The following SMIM31 variants were observed in gnomAD, a reference collection of about 807,000 sequenced individuals.
SMIM31 encodes human epithelial cell program regulator.
chr4:164,764,100 T>G (rs890081555), intron 1 of SMIM31, among the ~76,000 whole-genome samples: 2 of 152,228 alleles, frequency 1.3e-5, no homozygotes, highest in African/African-American at 2.4e-5. Flanking sequence ...ATTAAATAAA[T>G]TGAAAACTAA....
At chr4:164,762,060 C>T (rs1045674643) in intron 1 of SMIM31, among the ~76,000 whole-genome samples, 4 of 152,282 alleles carry the variant, frequency 2.6e-5, no homozygotes, top group African/African-American at 9.6e-5. Context: ...AAAGAGTCAC[C>T]TCACCTCTCC....
chr4:164,801,667 A>G lies in SMIM31; in HGVS notation c.*473A>G, dbSNP rs1361673960. On this transcript the variant is annotated 3_prime_UTR_variant, in exon 3 of 3. Coordinates refer to ENST00000507311, the MANE Select transcript of SMIM31 (RefSeq NM_001352885.1). ...GTATCTGAAATAGGTGAAAGAGGGA[A>G]AAAACACTATATATTTTTTCAGCTT... 6.6e-6 allele frequency: 1 copy of G among 152,282 alleles called. No individual in the cohort carries two copies. The highest frequency in any genetic ancestry group is 2.4e-5 in the African/African-American group (1 of 41,454). 9.4% of individuals were successfully genotyped at this position (152,282 alleles called of 1,614,324 possible). A position where few individuals can be genotyped will look rare whatever the true frequency, so the allele number is the denominator to read the frequency against.
chr4:164,798,982 T>G (rs963178305), intron 2 of SMIM31, among the ~76,000 whole-genome samples: 1 of 152,160 alleles, frequency 6.6e-6, no homozygotes, highest in Non-Finnish European at 1.5e-5. Flanking sequence ...CCATTTCACC[T>G]TCTGCCATGA....
chr4:164,768,426 T>TAAAAAAAAAAA (rs1732749113), intron 1 of SMIM31, among the ~76,000 whole-genome samples: 1 of 32,924 alleles, frequency 3.0e-5, no homozygotes, highest in Non-Finnish European at 8.5e-5. Flanking sequence ...ACAGTACATC[T>TAAAAAAAAAAA]CAAAAAAAAA....
intron 1 of SMIM31, among the ~76,000 whole-genome samples, chr4:164,767,443 A>G (rs1054839896): frequency 2.0e-5 from 3 of 152,210 alleles, no homozygotes; most frequent in Non-Finnish European, 4.4e-5. Context: ...ATCTGTTACT[A>G]GATAATAATT....
intron 2 of SMIM31, among the ~76,000 whole-genome samples, chr4:164,797,004 G>C (rs2110964906): frequency 6.6e-6 from 1 of 152,262 alleles, no homozygotes; most frequent in South Asian, 2.1e-4. Context: ...TGTTCTTCCA[G>C]CTGTTTCTGA....
chr4:164,798,244 T>G (rs201300524), intron 2 of SMIM31, among the ~76,000 whole-genome samples: 3 of 144,422 alleles, frequency 2.1e-5, no homozygotes, highest in Admixed American at 6.9e-5. Context: ...TTTTTTTTTA[T>G]TTTTTTTGAG....
At chr4:164,758,696 T>C (rs76761700) in intron 1 of SMIM31, among the ~76,000 whole-genome samples, 16,111 of 141,256 alleles carry the variant, frequency 0.11, 1,032 homozygotes, top group African/African-American at 0.16. Flanking sequence ...TGCAGTGACG[T>C]GATCTCGGCT....
At chr4:164,797,494 C>T (rs1733215449) in intron 2 of SMIM31, among the ~76,000 whole-genome samples, 1 of 140,558 alleles carries the variant, frequency 7.1e-6, no homozygotes, top group Non-Finnish European at 1.5e-5. Flanking sequence ...GACAGAGTCT[C>T]ACTCTGTCAG....
At chr4:164,765,035 A>G (rs1426310549) in intron 1 of SMIM31, among the ~76,000 whole-genome samples, 1 of 152,178 alleles carries the variant, frequency 6.6e-6, no homozygotes, top group African/African-American at 2.4e-5. Context: ...CAATCATTGT[A>G]TGGTGTCTGG....
rs1249460726 is a variant in SMIM31 at position 164,803,552 on chromosome 4, T to C, written c.*2358T>C. Reference sequence around the variant, plus strand: ...GCTCACGTCTGAAATCCCAGCACTTTGTGAAGCCGAGGTGGGTGGATCACC... The same window carrying C: ...GCTCACGTCTGAAATCCCAGCACTTCGTGAAGCCGAGGTGGGTGGATCACC... On this transcript the variant is annotated 3_prime_UTR_variant, in exon 3 of 3. Transcript: ENST00000507311. 2.0e-5 allele frequency: 3 copies of C among 152,114 alleles called. No homozygotes were observed. The highest frequency in any genetic ancestry group is 7.2e-5 in the African/African-American group (3 of 41,412). 9.4% of individuals were successfully genotyped at this position (152,114 alleles called of 1,614,324 possible).
chr4:164,781,117 A>G (rs1315463649), intron 2 of SMIM31, among the ~76,000 whole-genome samples: 1 of 145,892 alleles, frequency 6.9e-6, no homozygotes, highest in Non-Finnish European at 1.5e-5. Context: ...CCCTACATAT[A>G]CTACATTTAC....
intron 2 of SMIM31, among the ~76,000 whole-genome samples, chr4:164,781,443 A>G (rs1732947780): frequency 6.6e-6 from 1 of 152,224 alleles, no homozygotes; most frequent in African/African-American, 2.4e-5. Context: ...TTTATAAACC[A>G]GAATATTATT....
At chr4:164,795,017 T>C (rs952463639) in intron 2 of SMIM31, among the ~76,000 whole-genome samples, 2 of 152,062 alleles carry the variant, frequency 1.3e-5, no homozygotes, top group Non-Finnish European at 2.9e-5. Context: ...CTTTACATAC[T>C]TTGCAATGAG....
chr4:164,759,975 T>C (rs770021744), intron 1 of SMIM31, among the ~76,000 whole-genome samples: 2 of 151,996 alleles, frequency 1.3e-5, no homozygotes, highest in Non-Finnish European at 2.9e-5. Flanking sequence ...GAGCAAAGGC[T>C]TGAAGGAGGT....
intron 2 of SMIM31, among the ~76,000 whole-genome samples, chr4:164,795,804 T>C (rs1007529118): frequency 1.3e-5 from 2 of 152,192 alleles, no homozygotes; most frequent in Non-Finnish European, 2.9e-5. Context: ...AACTGTTTAC[T>C]AATTGCTTAC....
intron 2 of SMIM31, among the ~76,000 whole-genome samples, chr4:164,800,319 C>T (rs111411229): frequency 0.092 from 14,007 of 151,868 alleles, 795 homozygotes; most frequent in African/African-American, 0.16. Flanking sequence ...AAGCAATTAT[C>T]CTGCCTCAGC....
intron 2 of SMIM31, among the ~76,000 whole-genome samples, chr4:164,792,523 A>G (rs1176024150): frequency 6.6e-6 from 1 of 152,210 alleles, no homozygotes; most frequent in African/African-American, 2.4e-5. Flanking sequence ...AATTCCTAAA[A>G]GAGAAATTTG....
intron 2 of SMIM31, among the ~76,000 whole-genome samples, chr4:164,776,052 A>T (rs534827128): frequency 1.3e-5 from 2 of 152,302 alleles, no homozygotes; most frequent in South Asian, 4.1e-4. Flanking sequence ...TAAAATGAAA[A>T]TTTCCAAGGC....
Sources: gnomAD v4.1 joint callset for allele counts (sites outside exome capture counted in the v4.1 genomes callset) on GRCh38, gnomAD v4.1.1 for gene constraint, MANE v1.5 for transcripts, NCBI Gene and HGNC (gene_info 2026-07-23, HGNC 2026-07-21) for gene names.